The following CACNA2D1 variants were observed in gnomAD, a reference collection of about 807,000 sequenced individuals.
The protein encoded by CACNA2D1 is calcium voltage-gated channel auxiliary subunit alpha2delta 1, also known as voltage-dependent calcium channel subunit alpha-2/delta-1.
A neutral mutation model predicts 171.5 loss-of-function variants in CACNA2D1; 53 were observed. The ratio of observed to expected loss-of-function variants is 0.31; its 90% CI spans 0.25 to 0.39. CACNA2D1 has a LOEUF of 0.39. Ranked by LOEUF, CACNA2D1 falls within the 10% of genes least tolerant of loss-of-function variation. The pLI is 1.00. For missense variants in CACNA2D1, 903 were observed against 1,299.8 expected (o/e 0.69, Z 4.69); for synonymous variants, 442 against 443.1 (o/e 1.00, Z 0.03).
chr7:82,427,541 T>C (rs1313178560), intron 1 of CACNA2D1, among the ~76,000 whole-genome samples: 1 of 152,184 alleles, frequency 6.6e-6, no homozygotes, highest in Non-Finnish European at 1.5e-5. Flanking sequence ...GATTAGACTG[T>C]TATCCTGCTT....
intron 6 of CACNA2D1, among the ~76,000 whole-genome samples, chr7:82,115,456 T>G (rs1310164121): frequency 1.3e-5 from 2 of 152,032 alleles, no homozygotes; most frequent in Non-Finnish European, 2.9e-5. Flanking sequence ...GGCTTGGAAT[T>G]AATAGTCTCA....
intron 3 of CACNA2D1, among the ~76,000 whole-genome samples, chr7:82,267,728 T>C (rs538621483): frequency 1.2e-4 from 19 of 152,166 alleles, no homozygotes; most frequent in South Asian, 2.1e-4. Flanking sequence ...GGTGTGGTGG[T>C]TCACTCCTGT....
At chr7:82,404,464 T>A (rs1327553983) in intron 1 of CACNA2D1, among the ~76,000 whole-genome samples, 1 of 152,204 alleles carries the variant, frequency 6.6e-6, no homozygotes, top group African/African-American at 2.4e-5. Context: ...TAGGGAAGAA[T>A]CCTTAAATGA....
intron 5 of CACNA2D1, among the ~76,000 whole-genome samples, chr7:82,123,163 A>T (rs971684587): frequency 6.6e-6 from 1 of 152,178 alleles, no homozygotes; most frequent in African/African-American, 2.4e-5. Context: ...AAGCAGCCCC[A>T]AAAACATAAG....
intron 3 of CACNA2D1, among the ~76,000 whole-genome samples, chr7:82,246,513 G>C (rs1392099741): frequency 6.6e-6 from 1 of 152,076 alleles, no homozygotes; most frequent in Admixed American, 6.5e-5. Context: ...GAGCATAAAT[G>C]GGACAAAGCC....
intron 4 of CACNA2D1, among the ~76,000 whole-genome samples, chr7:82,166,347 G>A (rs987488671): frequency 6.6e-6 from 1 of 151,966 alleles, no homozygotes; most frequent in African/African-American, 2.4e-5. Flanking sequence ...CTCTTCAAAT[G>A]TTTTATTTAC....
intron 3 of CACNA2D1, among the ~76,000 whole-genome samples, chr7:82,313,212 C>T (rs1452844168): frequency 6.6e-6 from 1 of 152,118 alleles, no homozygotes; most frequent in East Asian, 1.9e-4. Flanking sequence ...AGCTACCAAT[C>T]TTTGATTAAT....
At chr7:82,255,322 T>C (rs186240902) in intron 3 of CACNA2D1, among the ~76,000 whole-genome samples, 13 of 152,278 alleles carry the variant, frequency 8.5e-5, no homozygotes, top group African/African-American at 2.9e-4. Flanking sequence ...CTTGTCTGTC[T>C]CACTACTCTA....
At chr7:82,049,967 TG>T (rs1236294201) in intron 10 of CACNA2D1, among the ~76,000 whole-genome samples, 4 of 152,178 alleles carry the variant, frequency 2.6e-5, no homozygotes, top group Admixed American at 6.5e-5. Flanking sequence ...CTTTTAGCAC[TG>T]GGGGATAGAA....
chr7:82,282,053 T>C (rs1810176848), intron 3 of CACNA2D1, among the ~76,000 whole-genome samples: 1 of 152,146 alleles, frequency 6.6e-6, no homozygotes, highest in South Asian at 2.1e-4. Context: ...TCCCAGCACT[T>C]TGGGAGGCCG....
chr7:82,081,037 G>A (rs779327356), intron 7 of CACNA2D1, among the ~76,000 whole-genome samples: 4 of 152,080 alleles, frequency 2.6e-5, no homozygotes, highest in Non-Finnish European at 4.4e-5. Context: ...TAATGATTAG[G>A]TCTCAGAGAG....
chr7:82,192,454 TTGTGTTTGTGTGTGTG>T (rs1167996191), intron 3 of CACNA2D1, among the ~76,000 whole-genome samples: 10 of 94,782 alleles, frequency 1.1e-4, no homozygotes, highest in African/African-American at 3.6e-4. Context: ...GTATGTGTGT[TTGTGTTTGTGTGTGTG>T]TGTGTGTGTG....
intron 1 of CACNA2D1, among the ~76,000 whole-genome samples, chr7:82,396,894 A>C (rs1333410339): frequency 6.6e-6 from 1 of 152,208 alleles, no homozygotes; most frequent in African/African-American, 2.4e-5. Context: ...CATATTCCTT[A>C]ACTGAAAACA....
At chr7:82,436,257 AT>A (rs1830111573) in intron 1 of CACNA2D1, among the ~76,000 whole-genome samples, 1 of 152,164 alleles carries the variant, frequency 6.6e-6, no homozygotes, top group South Asian at 2.1e-4. Flanking sequence ...AAAATGTACT[AT>A]TTATTTAGAA....
intron 10 of CACNA2D1, among the ~76,000 whole-genome samples, chr7:82,053,322 C>CA (rs1805437358): frequency 6.7e-6 from 1 of 149,066 alleles, no homozygotes; most frequent in Non-Finnish European, 1.5e-5. Context: ...GCACAAATAA[C>CA]AAAAATAATG....
intron 2 of CACNA2D1, among the ~76,000 whole-genome samples, chr7:82,337,477 T>G (rs1184489136): frequency 6.6e-6 from 1 of 152,302 alleles, no homozygotes; most frequent in South Asian, 2.1e-4. Context: ...TTTCATAATA[T>G]GTGTATATTT....
intron 15 of CACNA2D1, among the ~76,000 whole-genome samples, chr7:82,010,409 ATAGCACAG>A (rs1799645192): frequency 6.7e-6 from 1 of 149,306 alleles, no homozygotes; most frequent in Admixed American, 6.7e-5. Context: ...GTTTCAGCTT[ATAGCACAG>A]CACATTTAGA....
intron 4 of CACNA2D1, among the ~76,000 whole-genome samples, chr7:82,166,874 A>G (rs1292706378): frequency 1.3e-5 from 2 of 152,054 alleles, no homozygotes; most frequent in Non-Finnish European, 2.9e-5. Flanking sequence ...TGGAGCTGAG[A>G]GAGAGTGTGA....
At chr7:82,421,432 A>T (rs1271263951) in intron 1 of CACNA2D1, among the ~76,000 whole-genome samples, 1 of 152,210 alleles carries the variant, frequency 6.6e-6, no homozygotes, top group Non-Finnish European at 1.5e-5. Flanking sequence ...CTTTAAAATG[A>T]CATCACTAGG....
Sources: gnomAD v4.1 joint callset for allele counts (sites outside exome capture counted in the v4.1 genomes callset) on GRCh38, gnomAD v4.1.1 for gene constraint, MANE v1.5 for transcripts, NCBI Gene and HGNC (gene_info 2026-07-23, HGNC 2026-07-21) for gene names.